The following VPS35L variants were observed in gnomAD, a reference collection of about 807,000 sequenced individuals.
VPS35L encodes the protein VPS35 endosomal protein sorting factor like.
In VPS35L, 83 loss-of-function variants were observed where a neutral mutation model predicts 133.0. The observed-to-expected ratio is 0.62, with a 90% CI of 0.52 to 0.75. VPS35L has a LOEUF of 0.75. Among genes scored for constraint, VPS35L ranks in the 30% least tolerant of loss-of-function variants. The pLI, the probability that VPS35L is intolerant of heterozygous loss-of-function variation, is 0.00. For synonymous variants in VPS35L, 423 were observed against 449.9 expected (o/e 0.94, Z 0.76); for missense variants, 1,083 against 1,206.8 (o/e 0.90, Z 1.52).
intron 11 of VPS35L, among the ~76,000 whole-genome samples, chr16:19,609,581 T>TG (rs1972645448): frequency 6.6e-6 from 1 of 152,318 alleles, no homozygotes; most frequent in Admixed American, 6.5e-5. Flanking sequence ...TTACAGGACG[T>TG]GGGGGACCCA....
intron 7 of VPS35L, among the ~76,000 whole-genome samples, chr16:19,589,489 C>T (rs1971974075): frequency 6.6e-6 from 1 of 152,156 alleles, no homozygotes; most frequent in South Asian, 2.1e-4. Flanking sequence ...AGGCGATCTT[C>T]CTGCCTCAGC....
intron 14 of VPS35L, among the ~76,000 whole-genome samples, chr16:19,623,071 A>G (rs1973135429): frequency 6.6e-6 from 1 of 152,106 alleles, no homozygotes; most frequent in Non-Finnish European, 1.5e-5. Context: ...TTGTTTAAGA[A>G]CAGGAAACCT....
At chr16:19,622,304 G>A (rs964114302) in intron 14 of VPS35L, among the ~76,000 whole-genome samples, 46 of 151,700 alleles carry the variant, frequency 3.0e-4, no homozygotes, top group South Asian at 2.1e-4. Flanking sequence ...CACCACGCCC[G>A]GCTAATTTTT....
At position 19,647,273 on chromosome 16, in the gene VPS35L, T is replaced by C. The variant is rs537307933; in HGVS notation, c.1930-511T>C. Among the ~76,000 whole-genome samples the C allele has an allele frequency of 2.0e-5, 3 of 152,326 alleles. No homozygotes were observed. The South Asian group carries it at 6.2e-4, about 32-fold the overall frequency. On this transcript the variant is annotated intron_variant, in intron 23 of 30. Coordinates refer to ENST00000417362, the MANE Select transcript of VPS35L (RefSeq NM_020314.7). ...ATATAAGGAAATCAGATATGAAACA[T>C]GATAGCTGTAATGGAAATGGCAATG... is the stretch of plus-strand genomic sequence containing the variant.
intron 7 of VPS35L, chr16:19,582,029 C>T (rs865786334): frequency 7.8e-5 from 14 of 178,764 alleles, no homozygotes; most frequent in South Asian, 7.1e-4. Context: ...TGACCGCATT[C>T]GCTTGGTGTC....
At chr16:19,588,752 G>A (rs1047585065) in intron 7 of VPS35L, among the ~76,000 whole-genome samples, 5 of 152,118 alleles carry the variant, frequency 3.3e-5, no homozygotes, top group Admixed American at 2.6e-4. Flanking sequence ...GAGCACGTTT[G>A]GTCACGTCTG....
At chr16:19,695,406 G>A (rs1287646445) in intron 29 of VPS35L, among the ~76,000 whole-genome samples, 1 of 152,174 alleles carries the variant, frequency 6.6e-6, no homozygotes, top group Non-Finnish European at 1.5e-5. Context: ...AGGGGTTGAT[G>A]GTGATAGTGA....
chr16:19,611,942 T>A (rs1972735520), intron 12 of VPS35L: 1 of 149,212 alleles, frequency 6.7e-6, no homozygotes, highest in Non-Finnish European at 1.5e-5. Flanking sequence ...TATTTCTTTT[T>A]CCTTTTTTTT....
Position 19,608,280 on chromosome 16 carries a change from C to CTTTT in VPS35L, c.881+17_881+20dup, listed in dbSNP as rs11291600. 114 of 1,387,242 alleles carry CTTTT rather than the reference C, an allele frequency of 8.2e-5. No individual in the cohort carries two copies. The Middle Eastern group carries it at 9.5e-4, about 12-fold the overall frequency. The allele number at this position is 1,387,242 out of a possible 1,614,324, so 85.9% of individuals were successfully genotyped here. Reference sequence around the variant, plus strand: ...AGGGAACTCATTCCAAGATTGTATCCTTTTTTTTTTTTTTGGTCTGATGAT... The same window carrying CTTTT: ...AGGGAACTCATTCCAAGATTGTATCCTTTTTTTTTTTTTTTTTTGGTCTGATGAT... On this transcript the variant is annotated splice_region_variant and intron_variant, in intron 10 of 30. Transcript: ENST00000417362.
chr16:19,598,884 G>T (rs1301565152), intron 8 of VPS35L, among the ~76,000 whole-genome samples: 1 of 152,170 alleles, frequency 6.6e-6, no homozygotes, highest in African/African-American at 2.4e-5. Flanking sequence ...GGAAATAAAG[G>T]TGTTTTGTGC....
chr16:19,679,719 G>A (rs1165257349), intron 27 of VPS35L, among the ~76,000 whole-genome samples: 1 of 152,056 alleles, frequency 6.6e-6, no homozygotes. Flanking sequence ...TGGCCAGGCT[G>A]GTCTCAAACT....
At chr16:19,697,874 C>T (rs902435648) in intron 29 of VPS35L, among the ~76,000 whole-genome samples, 9 of 152,192 alleles carry the variant, frequency 5.9e-5, no homozygotes, top group Non-Finnish European at 1.2e-4. Context: ...AGCTGGAGCT[C>T]GGACTCCCCT....
chr16:19,581,926 A>C, intron 7 of VPS35L: 3 of 445,626 alleles, frequency 6.7e-6, no homozygotes, highest in East Asian at 4.0e-5. Flanking sequence ...ATGATACCCC[A>C]TGTGTTGTGC....
chr16:19,569,539 C>A lies in VPS35L; in HGVS notation c.233C>A (p.Pro78His). The A allele has an allele frequency of 6.2e-7, 1 of 1,601,218 alleles. No individual in the cohort carries two copies. ...AGCAGCGTCCTCGATGGGACTGACC[C>A]CCTCTCCATGTTTGCAGCCACTGCT... Reference protein sequence around the residue: ...PLSSVLDGTDPLSMFAATADP... With the variant: ...PLSSVLDGTDHLSMFAATADP... Residue 78 changes from proline (P) to histidine (H), a missense_variant, in exon 3 of 31, where the codon CCC (proline) becomes CAC (histidine). By Grantham distance (77) the Pro-to-His change is moderately conservative (BLOSUM62 -2). Transcript: ENST00000417362.
At chr16:19,700,216 C>A (rs1382451850) in intron 30 of VPS35L, among the ~76,000 whole-genome samples, 162 bp from the exon 31 acceptor site, 1 of 152,202 alleles carries the variant, frequency 6.6e-6, no homozygotes, top group Non-Finnish European at 1.5e-5. Flanking sequence ...AAGCTGCAAT[C>A]CAAGAAGTTG....
Position 19,699,737 on chromosome 16 carries a change from G to C in VPS35L, c.2793+89G>C. On this transcript the variant is annotated intron_variant, in intron 30 of 30. Coordinates refer to ENST00000417362, the MANE Select transcript of VPS35L (RefSeq NM_020314.7). This position sits in a 1 kb window ranked among gnomAD's most constrained non-coding sequence, Gnocchi z 4.2. ...AGCATTGTGGCCTGGACATCAGACA[G>C]ACAACCCCATACTCCCCTTTTAGAA... The C allele has an allele frequency of 6.5e-7, 1 of 1,531,774 alleles. No homozygotes were observed. The allele number at this position is 1,531,774 out of a possible 1,614,324, so 94.9% of individuals were successfully genotyped here.
chr16:19,623,250 A>G lies in VPS35L; in HGVS notation c.1225-2927A>G, dbSNP rs377753007. Among the ~76,000 whole-genome samples the G allele has an allele frequency of 2.9e-4, 44 of 152,218 alleles. No individual in the cohort carries two copies. In the East Asian group the frequency reaches 4.1e-3, roughly 14 times the overall value. On this transcript the variant is annotated intron_variant, in intron 14 of 30. Transcript: ENST00000417362. ...CTTAAACAACAGACTTTATTTTCTC[A>G]TAGTTCTGAAGGCTAGGAGACCAAG...
chr16:19,625,272 A>T (rs1973225972), intron 14 of VPS35L, among the ~76,000 whole-genome samples: 1 of 152,070 alleles, frequency 6.6e-6, no homozygotes, highest in Non-Finnish European at 1.5e-5. Flanking sequence ...GAAATGGGAG[A>T]ATAGAGCCCC....
chr16:19,653,772 T>C (rs56180801), intron 26 of VPS35L, among the ~76,000 whole-genome samples: 10,932 of 152,276 alleles, frequency 0.072, 1,039 homozygotes, highest in African/African-American at 0.22. Context: ...TTCTCCATTC[T>C]TTGAACCACT....
Sources: allele counts gnomAD v4.1 joint callset (sites outside exome capture counted in the v4.1 genomes callset), GRCh38; gene constraint gnomAD v4.1.1; non-coding constraint Gnocchi (gnomAD v3.1); transcripts MANE v1.5; gene names NCBI Gene and HGNC (gene_info 2026-07-23, HGNC 2026-07-21).